Variants in RARB observed in about 807,000 individuals in gnomAD.
The protein encoded by RARB is retinoic acid receptor beta, also known as HBV-activated protein.
A neutral mutation model predicts 51.9 loss-of-function variants in RARB; 17 were observed. That is an observed-to-expected ratio of 0.33 (90% confidence interval 0.22 to 0.49). RARB has a LOEUF of 0.49. Ranked by LOEUF, RARB falls within the 20% of genes least tolerant of loss-of-function variation. RARB has a pLI of 0.99. For synonymous variants in RARB, 215 were observed against 195.4 expected (o/e 1.10, Z -0.84); for missense variants, 369 against 550.8 (o/e 0.67, Z 3.30).
intron 3 of RARB, among the ~76,000 whole-genome samples, chr3:25,566,449 AG>A (rs1195705016): frequency 1.3e-5 from 2 of 152,164 alleles, no homozygotes; most frequent in Non-Finnish European, 2.9e-5. Context: ...TGAGCTGCAA[AG>A]GCTGCTCCAA....
At chr3:25,112,229 C>G (rs1025840517) in intron 3 of RARB, among the ~76,000 whole-genome samples, 2 of 152,066 alleles carry the variant, frequency 1.3e-5, no homozygotes, top group African/African-American at 4.8e-5. Flanking sequence ...TTTGGCCATC[C>G]TTTCAGTCCT....
At chr3:25,233,632 T>C (rs922772455) in intron 5 of RARB, among the ~76,000 whole-genome samples, 31 of 152,084 alleles carry the variant, frequency 2.0e-4, no homozygotes, top group African/African-American at 7.2e-4. Flanking sequence ...TCAGAAAAAA[T>C]CATTCAGTCT....
intron 5 of RARB, among the ~76,000 whole-genome samples, chr3:25,286,317 T>C (rs1454106948): frequency 6.6e-6 from 1 of 152,146 alleles, no homozygotes; most frequent in Non-Finnish European, 1.5e-5. Flanking sequence ...CTCGATCTCC[T>C]GACCTCGTGA....
chr3:25,204,881 C>G (rs972123280), intron 5 of RARB, among the ~76,000 whole-genome samples: 1 of 151,854 alleles, frequency 6.6e-6, no homozygotes, highest in Admixed American at 6.6e-5. Flanking sequence ...CAGGGACCCA[C>G]TTGAGGAGGC....
chr3:24,967,631 T>C (rs979918309), intron 2 of RARB, among the ~76,000 whole-genome samples: 7 of 152,158 alleles, frequency 4.6e-5, no homozygotes, highest in Non-Finnish European at 7.4e-5. Context: ...TGAGCTGCTC[T>C]GCAGTCGTGT....
chr3:24,867,886 T>C (rs1702879995), intron 2 of RARB, among the ~76,000 whole-genome samples: 1 of 152,102 alleles, frequency 6.6e-6, no homozygotes, highest in Non-Finnish European at 1.5e-5. Flanking sequence ...GCCATTGAGT[T>C]CAAGTCAACC....
At position 25,483,800 on chromosome 3, in the gene RARB, T is replaced by C. The variant is rs376784167; in HGVS notation, c.307-17382T>C. Among the ~76,000 whole-genome samples, 5 of 152,344 alleles carry C rather than the reference T, an allele frequency of 3.3e-5. No homozygotes were observed. The East Asian group carries it at 5.8e-4, about 18-fold the overall frequency. Reference sequence around the variant, plus strand: ...ATCTAGAGATTGTACTGCCATTTGCTGATAGAGCACAGTTTAAAATATTTT... The same window carrying C: ...ATCTAGAGATTGTACTGCCATTTGCCGATAGAGCACAGTTTAAAATATTTT... On this transcript the variant is annotated intron_variant, in intron 2 of 7. Transcript: ENST00000330688.
At chr3:25,451,127 G>C (rs1022001607) in intron 1 of RARB, among the ~76,000 whole-genome samples, 1 of 152,174 alleles carries the variant, frequency 6.6e-6, no homozygotes, top group Non-Finnish European at 1.5e-5. Context: ...CCCTGCCCTA[G>C]ATTAAGGAAG....
At chr3:25,050,678 G>C (rs939446060) in intron 2 of RARB, among the ~76,000 whole-genome samples, 2 of 151,946 alleles carry the variant, frequency 1.3e-5, no homozygotes, top group Non-Finnish European at 2.9e-5. Flanking sequence ...ATTCATTTTA[G>C]TCATTTCCTG....
chr3:24,955,180 G>T (rs1695983329), intron 2 of RARB, among the ~76,000 whole-genome samples: 2 of 152,154 alleles, frequency 1.3e-5, no homozygotes, highest in Non-Finnish European at 2.9e-5. Context: ...CAGAAGGGGA[G>T]CTGGAAAGGG....
intron 5 of RARB, among the ~76,000 whole-genome samples, chr3:25,591,734 G>A (rs536694287): frequency 4.7e-4 from 72 of 152,188 alleles, no homozygotes; most frequent in Non-Finnish European, 7.8e-4. Flanking sequence ...TTTTCCTCTC[G>A]GAGTTTTAAC....
At chr3:25,488,197 G>A (rs765948831) in intron 2 of RARB, among the ~76,000 whole-genome samples, 5 of 152,062 alleles carry the variant, frequency 3.3e-5, no homozygotes, top group African/African-American at 7.3e-5. Flanking sequence ...ACGGGGGCCC[G>A]GCTCTTTTTC....
chr3:25,223,434 G>T (rs979287048), intron 5 of RARB, among the ~76,000 whole-genome samples: 2 of 152,178 alleles, frequency 1.3e-5, no homozygotes, highest in Non-Finnish European at 2.9e-5. Flanking sequence ...AAGCATAAAG[G>T]TGGCAATTTG....
intron 3 of RARB, among the ~76,000 whole-genome samples, chr3:25,504,790 T>G (rs376660578): frequency 0.11 from 12,076 of 111,048 alleles, 596 homozygotes; most frequent in African/African-American, 0.19. Context: ...TTTTTTTTTT[T>G]TGTGTCACCC....
At chr3:25,241,090 CCTG>C (rs1259244292) in intron 5 of RARB, among the ~76,000 whole-genome samples, 1 of 151,968 alleles carries the variant, frequency 6.6e-6, no homozygotes, top group East Asian at 1.9e-4. Flanking sequence ...ATATATTTCC[CCTG>C]GGTTTTCCAG....
chr3:25,417,637 C>T (rs547577911), intron 5 of RARB, among the ~76,000 whole-genome samples: 114 of 152,248 alleles, frequency 7.5e-4, no homozygotes, highest in South Asian at 2.3e-3. Flanking sequence ...ACTGTGAGTC[C>T]GTTAAATCTC....
intron 3 of RARB, among the ~76,000 whole-genome samples, chr3:25,092,539 A>T (rs1023739085): frequency 3.9e-5 from 6 of 152,140 alleles, no homozygotes; most frequent in Non-Finnish European, 5.9e-5. Context: ...AGTATACAAT[A>T]ACTGTTAACT....
chr3:24,941,467 T>C (rs996236383), intron 2 of RARB, among the ~76,000 whole-genome samples: 1 of 152,036 alleles, frequency 6.6e-6, no homozygotes, highest in African/African-American at 2.4e-5. Flanking sequence ...CCTCCCTGGT[T>C]CAAGTGATTC....
intron 1 of RARB, among the ~76,000 whole-genome samples, chr3:24,856,081 G>A (rs978395345): frequency 6.6e-6 from 1 of 151,984 alleles, no homozygotes; most frequent in East Asian, 1.9e-4. Flanking sequence ...GTTTTCCTAG[G>A]TGACTCTTGA....
Sources: gnomAD v4.1 joint callset for allele counts (sites outside exome capture counted in the v4.1 genomes callset) on GRCh38, gnomAD v4.1.1 for gene constraint, MANE v1.5 for transcripts, NCBI Gene and HGNC (gene_info 2026-07-23, HGNC 2026-07-21) for gene names.